The following SCUBE1 variants were observed in gnomAD, a reference collection of about 807,000 sequenced individuals.
The protein encoded by SCUBE1 is signal peptide, CUB domain and EGF like domain containing 1.
SCUBE1 carries 59 observed loss-of-function variants against 124.4 expected under a neutral mutation model. The observed-to-expected ratio is 0.47, with a 90% CI of 0.38 to 0.59. The LOEUF is 0.59. SCUBE1 is among the 20% of genes least tolerant of loss of function. The pLI is 0.00. For synonymous variants in SCUBE1, 545 were observed against 550.9 expected, an observed-to-expected ratio of 0.99 and a Z score of 0.15; for missense variants, 1,150 against 1,371.2, an observed-to-expected ratio of 0.84 and a Z score of 2.55.
rs141362669 is a variant in SCUBE1 at position 43,214,149 on chromosome 22, G to A, written c.1994C>T (p.Pro665Leu). 113 of 1,608,494 alleles carry A rather than the reference G, an allele frequency of 7.0e-5. No individual in the cohort carries two copies. The highest frequency in any genetic ancestry group is 1.7e-4 in the Middle Eastern group (1 of 6,044). The change falls in exon 16 of 22, where the codon CCG becomes CTG. Residue 665 changes from proline to leucine, a missense_variant. By Grantham distance (98) the Pro-to-Leu change is moderately conservative. This residue lies in a region of SCUBE1 where 757 missense variants were observed against 840.9 expected (regional missense o/e 0.90). Coordinates refer to ENST00000360835, the MANE Select transcript of SCUBE1 (RefSeq NM_173050.5). ...QDMEGQLSCT[P>L]CPSSDGLGLP... ...ACCAAGCCCGTCGCTGCTGGGGCACGGTGTGCAACTGAGCTGGCCTTCCAT... is the reference window on the plus strand; with the variant it reads ...ACCAAGCCCGTCGCTGCTGGGGCACAGTGTGCAACTGAGCTGGCCTTCCAT...
intron 2 of SCUBE1, among the ~76,000 whole-genome samples, chr22:43,325,558 C>T (rs1000913842): frequency 2.0e-5 from 3 of 151,562 alleles, no homozygotes; most frequent in African/African-American, 7.3e-5. Flanking sequence ...TCTGTACCTA[C>T]CCTTGAGGTT....
intron 6 of SCUBE1, among the ~76,000 whole-genome samples, chr22:43,243,245 G>A (rs992293698): frequency 2.6e-5 from 4 of 152,244 alleles, no homozygotes; most frequent in South Asian, 2.1e-4. Flanking sequence ...GATCCTCACC[G>A]TGAGGTCTGC....
At chr22:43,340,084 G>A (rs1483824432) in intron 1 of SCUBE1, among the ~76,000 whole-genome samples, 1 of 150,956 alleles carries the variant, frequency 6.6e-6, no homozygotes, top group Non-Finnish European at 1.5e-5. Flanking sequence ...GGACACCAAG[G>A]CCATGCCAGG....
intron 3 of SCUBE1, among the ~76,000 whole-genome samples, chr22:43,306,083 C>T (rs1195494690): frequency 1.3e-5 from 2 of 152,142 alleles, no homozygotes; most frequent in Admixed American, 1.3e-4. Context: ...CCGATGCAGC[C>T]AGGCCCAGCA....
chr22:43,321,492 G>A (rs1926553316), intron 2 of SCUBE1, among the ~76,000 whole-genome samples: 1 of 152,186 alleles, frequency 6.6e-6, no homozygotes, highest in Admixed American at 6.5e-5. Flanking sequence ...CTGCCCTGAT[G>A]CCTGCCAGAG....
At chr22:43,256,488 T>G (rs1284804405) in intron 6 of SCUBE1, among the ~76,000 whole-genome samples, 2 of 149,944 alleles carry the variant, frequency 1.3e-5, no homozygotes. Flanking sequence ...TGGACAGGAG[T>G]AGAAGTAGCA....
intron 3 of SCUBE1, among the ~76,000 whole-genome samples, chr22:43,308,046 A>C (rs9623807): frequency 0.11 from 15,854 of 146,898 alleles, 952 homozygotes; most frequent in Admixed American, 0.16. Context: ...GTCAAAGGCC[A>C]CTCCACCCCG....
intron 3 of SCUBE1, among the ~76,000 whole-genome samples, chr22:43,315,595 G>T (rs1466500336): frequency 6.6e-6 from 1 of 152,150 alleles, no homozygotes; most frequent in Non-Finnish European, 1.5e-5. Flanking sequence ...CTGGAGTTTT[G>T]TCTTGAGAAA....
At position 43,258,471 on chromosome 22, in the gene SCUBE1, C is replaced by T. The variant is rs9623792; in HGVS notation, c.611-136G>A. On this transcript the variant is annotated intron_variant, in intron 5 of 21. Transcript: ENST00000360835. The surrounding 1 kb of genome is among the most constrained non-coding windows in gnomAD (Gnocchi z 5.0). ...CATCAGTGGGTAGGGTCATGAGGCTCGCCGGGCAACGGGGGAGCATTTCCC... is the reference window on the plus strand; with the variant it reads ...CATCAGTGGGTAGGGTCATGAGGCTTGCCGGGCAACGGGGGAGCATTTCCC... 72,670 of 689,922 alleles carry T rather than the reference C, an allele frequency of 0.11. 4,350 individuals are homozygous for T. Among genetic ancestry groups the T allele is most frequent in the African/African-American group, 0.2 (11,540 of 57,178 alleles). The allele number at this position is 689,922 out of a possible 1,614,324, so 42.7% of individuals were successfully genotyped here. A position where few individuals can be genotyped will look rare whatever the true frequency, so the allele number is the denominator to read the frequency against.
chr22:43,294,350 A>C (rs1168517715), intron 3 of SCUBE1, among the ~76,000 whole-genome samples: 1 of 152,162 alleles, frequency 6.6e-6, no homozygotes, highest in Non-Finnish European at 1.5e-5. Flanking sequence ...CCCCACACTG[A>C]GGTCTGAAGA....
rs561896375 is a variant in SCUBE1 at position 43,222,551 on chromosome 22, C to T, written c.1432+87G>A. The T allele has an allele frequency of 2.0e-4, 208 of 1,032,494 alleles. No homozygotes were observed. In the African/African-American group the frequency reaches 2.9e-3, roughly 14 times the overall value. 64.0% of individuals were successfully genotyped at this position (1,032,494 alleles called of 1,614,324 possible). ...CGAGAGCAGGAAGGTCTTCCCTGGG[C>T]GGTGCCCTTTCCTCCCCCGCCAGCA... is the stretch of plus-strand genomic sequence containing the variant. On this transcript the variant is annotated intron_variant, in intron 12 of 21. Transcript: ENST00000360835.
chr22:43,286,669 A>T (rs1417058992), intron 4 of SCUBE1, among the ~76,000 whole-genome samples: 1 of 152,206 alleles, frequency 6.6e-6, no homozygotes, highest in Non-Finnish European at 1.5e-5. Context: ...ACTGTACAGG[A>T]ACTCTTAGGA....
At chr22:43,296,666 G>C (rs4820517) in intron 3 of SCUBE1, among the ~76,000 whole-genome samples, 141,753 of 152,288 alleles carry the variant, frequency 0.93, 66,103 homozygotes, top group East Asian at 1. Context: ...CTGGACCGGC[G>C]TGGTTGAGGC....
intron 7 of SCUBE1, among the ~76,000 whole-genome samples, chr22:43,236,510 T>C (rs1489635594): frequency 6.6e-6 from 1 of 152,212 alleles, no homozygotes; most frequent in Non-Finnish European, 1.5e-5. Context: ...AATGAAAACC[T>C]GGGTGTGAGC....
intron 3 of SCUBE1, among the ~76,000 whole-genome samples, chr22:43,294,173 T>C (rs2146755466): frequency 6.6e-6 from 1 of 152,312 alleles, no homozygotes; most frequent in East Asian, 1.9e-4. Flanking sequence ...TGCACCCTTT[T>C]CCCACTGCGG....
chr22:43,277,102 G>T (rs1196481782), intron 4 of SCUBE1, among the ~76,000 whole-genome samples: 1 of 151,846 alleles, frequency 6.6e-6, no homozygotes, highest in Non-Finnish European at 1.5e-5. Flanking sequence ...GGGATGCGTA[G>T]GTTCCACCTG....
In SCUBE1 at chr22:43,227,509, C is replaced by T. The variant is rs187816309; in HGVS notation, c.1085-13G>A. 154 of 1,609,982 alleles carry T rather than the reference C, an allele frequency of 9.6e-5. No individual in the cohort carries two copies. The highest frequency in any genetic ancestry group is 1.8e-4 in the Admixed American group (11 of 59,976). On this transcript the variant is annotated splice_polypyrimidine_tract_variant and intron_variant, in intron 9 of 21. Coordinates refer to ENST00000360835, the MANE Select transcript of SCUBE1 (RefSeq NM_173050.5). ...CACTCGTCCACATCTGGAAGCACAG[C>T]GGGCGTAAGGGCAGAGGGGAGGCTG...
At chr22:43,205,571 CCACCACACCCCA>C (rs1921195136) in intron 21 of SCUBE1, among the ~76,000 whole-genome samples, 2 of 151,468 alleles carry the variant, frequency 1.3e-5, no homozygotes, top group Admixed American at 1.3e-4. Context: ...GTGTACACAC[CCACCACACCCCA>C]CACCACACAC....
intron 4 of SCUBE1, among the ~76,000 whole-genome samples, chr22:43,264,428 C>T (rs958120145): frequency 6.6e-5 from 10 of 152,156 alleles, no homozygotes; most frequent in African/African-American, 2.2e-4. Context: ...TCCTGCAGGT[C>T]TGGAGACAGC....
Sources: allele counts gnomAD v4.1 joint callset (sites outside exome capture counted in the v4.1 genomes callset), GRCh38; gene constraint gnomAD v4.1.1; regional missense constraint gnomAD v4.1.1; non-coding constraint Gnocchi (gnomAD v3.1); transcripts MANE v1.5; gene names NCBI Gene and HGNC (gene_info 2026-07-23, HGNC 2026-07-21).